The following NECTIN1 variants were observed in gnomAD, a reference collection of about 807,000 sequenced individuals.
The protein encoded by NECTIN1 is nectin cell adhesion molecule 1, also known as nectin-1.
Under a neutral mutation model 48.0 loss-of-function variants are expected in NECTIN1, and 23 were observed. The ratio of observed to expected loss-of-function variants is 0.48; its 90% CI spans 0.34 to 0.68. NECTIN1 has a LOEUF of 0.68. Ranked by LOEUF, NECTIN1 falls within the 30% of genes least tolerant of loss-of-function variation. The probability of loss-of-function intolerance (pLI) is 0.01; values close to 1 mark genes in which losing one functional copy is unlikely to be tolerated. For synonymous variants in NECTIN1, 270 were observed against 288.9 expected (o/e 0.93, Z 0.66); for missense variants, 591 against 709.9 (o/e 0.83, Z 1.90).
intron 5 of NECTIN1, among the ~76,000 whole-genome samples, chr11:119,643,261 G>A (rs1864351184): frequency 6.6e-6 from 1 of 152,202 alleles, no homozygotes; most frequent in Non-Finnish European, 1.5e-5. Context: ...CAAGAAAAGG[G>A]AAATCCAAGG....
At chr11:119,698,751 T>C (rs1865386067) in intron 1 of NECTIN1, among the ~76,000 whole-genome samples, 1 of 152,222 alleles carries the variant, frequency 6.6e-6, no homozygotes, top group Non-Finnish European at 1.5e-5. Context: ...CGTATGTACA[T>C]GGTTAGCCAA....
intron 1 of NECTIN1, among the ~76,000 whole-genome samples, chr11:119,701,746 C>T (rs145248423): frequency 2.0e-5 from 3 of 152,282 alleles, no homozygotes; most frequent in Middle Eastern, 3.4e-3. Flanking sequence ...ATTTCCTTCC[C>T]GGTGCTTTAT....
chr11:119,652,107 A>G (rs1286381752), intron 5 of NECTIN1, among the ~76,000 whole-genome samples: 1 of 152,134 alleles, frequency 6.6e-6, no homozygotes, highest in African/African-American at 2.4e-5. Context: ...ATTATAGTCA[A>G]CAGGGAAAAT....
At chr11:119,648,271 G>GTGA (rs1565376394) in intron 5 of NECTIN1, among the ~76,000 whole-genome samples, 5 of 19,624 alleles carry the variant, frequency 2.5e-4, no homozygotes, top group Admixed American at 7.4e-4. Flanking sequence ...AATAGTGGTG[G>GTGA]TGGTGATGGT....
At chr11:119,648,358 A>ATGGTGATGGTGGTGGTGGTGGTGG (rs1565376729) in intron 5 of NECTIN1, among the ~76,000 whole-genome samples, 1 of 1,282 alleles carries the variant, frequency 7.8e-4, no homozygotes, top group Non-Finnish European at 1.7e-3. Context: ...GGTGGTGGTG[A>ATGGTGATGGTGGTGGTGGTGGTGG]TGCTGGTGAT....
Position 119,679,764 on chromosome 11 carries a change from C to T in NECTIN1, c.80-999G>A, listed in dbSNP as rs142283683. 4.8e-4 allele frequency among the ~76,000 whole-genome samples: 73 copies of T among 152,254 alleles called. 1 individual carries two copies. The East Asian group carries it at 0.012, about 26-fold the overall frequency. On this transcript the variant is annotated intron_variant, in intron 1 of 5. Coordinates refer to ENST00000264025, the MANE Select transcript of NECTIN1 (RefSeq NM_002855.5). ...GTCCCGGCCTCCATGGAGCACAGAGCCTATCCACCCAACACTCCTAGACTC... is the reference window on the plus strand; with the variant it reads ...GTCCCGGCCTCCATGGAGCACAGAGTCTATCCACCCAACACTCCTAGACTC...
Position 119,665,709 on chromosome 11 carries a change from G to T in NECTIN1, c.1004-412C>A, listed in dbSNP as rs1864757410. Among the ~76,000 whole-genome samples, 1 of 152,122 alleles carries T rather than the reference G, an allele frequency of 6.6e-6. No homozygotes were observed. Among genetic ancestry groups the T allele is most frequent in the Admixed American group, 6.5e-5 (1 of 15,268 alleles). ...TGCCATTCATTCTCATTGGATATCT[G>T]AGGAGCTGAGGCTTGCAGAGGTTAA... On this transcript the variant is annotated intron_variant, in intron 5 of 5. Transcript: ENST00000264025. The surrounding 1 kb of genome is among the most constrained non-coding windows in gnomAD (Gnocchi z 5.1).
chr11:119,644,204 C>T (rs1175614020), intron 5 of NECTIN1, among the ~76,000 whole-genome samples: 1 of 152,248 alleles, frequency 6.6e-6, no homozygotes, highest in African/African-American at 2.4e-5. Context: ...GTCCCTCAGA[C>T]TGAGATAGTG....
At chr11:119,638,896 C>A in intron 6 of NECTIN1, 2 of 1,210,560 alleles carry the variant, frequency 1.7e-6, no homozygotes, top group East Asian at 4.8e-5. Flanking sequence ...TCCCTGAGCC[C>A]CACTCACAAG....
intron 1 of NECTIN1, among the ~76,000 whole-genome samples, chr11:119,710,275 G>C (rs757484188): frequency 6.6e-6 from 1 of 152,230 alleles, no homozygotes; most frequent in Non-Finnish European, 1.5e-5. Context: ...AGTGCGGGAA[G>C]GTCAGGCAGA....
chr11:119,714,102 C>G (rs1044807463), intron 1 of NECTIN1, among the ~76,000 whole-genome samples: 1 of 152,142 alleles, frequency 6.6e-6, no homozygotes, highest in African/African-American at 2.4e-5. Context: ...TGCAGGAACC[C>G]CAACTCAGTC....
chr11:119,639,735 T>G (rs1864296269), intron 6 of NECTIN1: 1 of 1,225,876 alleles, frequency 8.2e-7, no homozygotes, highest in African/African-American at 1.5e-5. Flanking sequence ...TAGTTCCTGG[T>G]CCCCCAGGGT....
intron 1 of NECTIN1, among the ~76,000 whole-genome samples, chr11:119,717,315 G>A (rs776511704): frequency 1.1e-4 from 17 of 152,220 alleles, no homozygotes; most frequent in Non-Finnish European, 1.8e-4. Flanking sequence ...TATCCATCAC[G>A]CCAGTGGAGA....
At chr11:119,638,151 G>C (rs1024730233) in exon 8 of NECTIN1, 5 of 1,613,926 alleles carry the variant, frequency 3.1e-6, no homozygotes, top group African/African-American at 1.3e-5. Context: ...TGGTAGGAGG[G>C]GGAGACCCCC....
rs548182197 is a variant in NECTIN1, at chr11:119,673,137, G to T, written c.1003+2022C>A. On this transcript the variant is annotated intron_variant, in intron 5 of 5. Transcript: ENST00000264025. The surrounding 1 kb of genome is among the most constrained non-coding windows in gnomAD (Gnocchi z 5.8). Reference sequence around the variant, plus strand: ...TGCCCTGCGGGGTGGGCTCCCCAGAGAATGTGGCAGGCACGGGCCGACGTG... The same window carrying T: ...TGCCCTGCGGGGTGGGCTCCCCAGATAATGTGGCAGGCACGGGCCGACGTG... Among the ~76,000 whole-genome samples, 4 of 152,352 alleles carry T rather than the reference G, an allele frequency of 2.6e-5. No homozygotes were observed. The South Asian group carries it at 8.3e-4, about 32-fold the overall frequency.
At chr11:119,650,700 T>G (rs1864478444) in intron 5 of NECTIN1, among the ~76,000 whole-genome samples, 1 of 152,154 alleles carries the variant, frequency 6.6e-6, no homozygotes, top group Non-Finnish European at 1.5e-5. Context: ...AAAGCCCAGC[T>G]CCTCAGTGGC....
rs57677785 is a variant in NECTIN1, at chr11:119,702,874, T to C, written c.80-24109A>G. Among the ~76,000 whole-genome samples, 147 of 152,298 alleles carry C rather than the reference T, an allele frequency of 9.7e-4. 2 individuals are homozygous for C. The highest frequency in any genetic ancestry group is 3.4e-3 in the African/African-American group (140 of 41,568). ...TTCCCAGGGTCTCTTCCTCTTTTTT[T>C]CCTCTTTCTCCATGGCCCATTCATT... On this transcript the variant is annotated intron_variant, in intron 1 of 5. Coordinates refer to ENST00000264025, the MANE Select transcript of NECTIN1 (RefSeq NM_002855.5).
chr11:119,678,297 T>C lies in NECTIN1; in HGVS notation c.430+118A>G. On this transcript the variant is annotated intron_variant, in intron 2 of 5. Transcript: ENST00000264025. This position sits in a 1 kb window ranked among gnomAD's most constrained non-coding sequence, Gnocchi z 4.4. ...GGGACTGGAAGCCTCATGCCTAGAA[T>C]GATGGCAGCATGCCCACCCAAGGGG... The C allele has an allele frequency of 1.0e-6, 1 of 971,996 alleles. No homozygotes were observed. The highest frequency in any genetic ancestry group is 1.6e-6 in the Non-Finnish European group (1 of 607,542). 60.2% of individuals were successfully genotyped at this position (971,996 alleles called of 1,614,324 possible).
chr11:119,713,361 G>A (rs1327670363), intron 1 of NECTIN1, among the ~76,000 whole-genome samples: 1 of 152,110 alleles, frequency 6.6e-6, no homozygotes, highest in Non-Finnish European at 1.5e-5. Flanking sequence ...TTGTGGGGTG[G>A]AAGGAGAAGC....
Sources: allele counts gnomAD v4.1 joint callset (sites outside exome capture counted in the v4.1 genomes callset), GRCh38; gene constraint gnomAD v4.1.1; non-coding constraint Gnocchi (gnomAD v3.1); transcripts MANE v1.5; gene names NCBI Gene and HGNC (gene_info 2026-07-23, HGNC 2026-07-21).